Variants in TCF12 observed in about 807,000 individuals in gnomAD.
TCF12 encodes the protein DNA-binding protein HTF4.
Under a neutral mutation model 86.0 loss-of-function variants are expected in TCF12, and 45 were observed. The observed-to-expected ratio is 0.52, with a 90% CI of 0.41 to 0.67. The LOEUF is 0.67. Ranked by LOEUF, TCF12 falls within the 30% of genes least tolerant of loss-of-function variation. The probability of loss-of-function intolerance (pLI) is 0.00; values close to 1 mark genes in which losing one functional copy is unlikely to be tolerated. For missense variants in TCF12, 881 were observed against 859.9 expected, an observed-to-expected ratio of 1.02 and a Z score of -0.31; for synonymous variants, 330 against 299.6, an observed-to-expected ratio of 1.10 and a Z score of -1.05.
intron 20 of TCF12, among the ~76,000 whole-genome samples, chr15:57,283,055 G>T (rs1298303478): frequency 1.3e-5 from 2 of 152,108 alleles, no homozygotes; most frequent in Non-Finnish European, 2.9e-5. Flanking sequence ...CTTGTATTTG[G>T]ATCAATAATG....
At chr15:57,141,694 A>G (rs1248336789) in intron 5 of TCF12, among the ~76,000 whole-genome samples, 1 of 152,204 alleles carries the variant, frequency 6.6e-6, no homozygotes, top group Admixed American at 6.5e-5. Flanking sequence ...TTCACTGGAA[A>G]CAGCTATAAA....
chr15:57,228,417 AT>A (rs1172165216), intron 8 of TCF12, among the ~76,000 whole-genome samples: 25 of 151,436 alleles, frequency 1.7e-4, no homozygotes, highest in African/African-American at 3.4e-4. Flanking sequence ...ATATAGTAGG[AT>A]TTTTTTTTGC....
chr15:57,005,766 C>T (rs528635376), intron 3 of TCF12, among the ~76,000 whole-genome samples: 1 of 152,010 alleles, frequency 6.6e-6, no homozygotes. Flanking sequence ...GACAGGGTCT[C>T]ACTATGCTGC....
chr15:56,944,583 A>G (rs1244892917), intron 3 of TCF12, among the ~76,000 whole-genome samples: 1 of 152,190 alleles, frequency 6.6e-6, no homozygotes, highest in Non-Finnish European at 1.5e-5. Flanking sequence ...CCCTTCTTTA[A>G]GAGTTCTACT....
At chr15:57,113,325 T>C (rs1208144880) in intron 5 of TCF12, among the ~76,000 whole-genome samples, 7 of 152,256 alleles carry the variant, frequency 4.6e-5, no homozygotes, top group Non-Finnish European at 1.0e-4. Context: ...CTTAATGATC[T>C]GTGCAGCTCG....
chr15:57,243,639 T>C, intron 13 of TCF12, 89 bp downstream of exon 13: 2 of 1,198,286 alleles, frequency 1.7e-6, no homozygotes, highest in African/African-American at 1.5e-5. Context: ...TTAATAAAAA[T>C]TTGTGAAAAA....
intron 3 of TCF12, among the ~76,000 whole-genome samples, chr15:56,946,798 C>CCTTT (rs2061018263): frequency 1.8e-5 from 2 of 113,542 alleles, no homozygotes; most frequent in African/African-American, 6.2e-5. Flanking sequence ...TCTAAAGTAC[C>CCTTT]TTTTTTTTTT....
intron 16 of TCF12, among the ~76,000 whole-genome samples, chr15:57,260,735 T>A (rs935232023): frequency 6.6e-6 from 1 of 152,210 alleles, no homozygotes; most frequent in East Asian, 1.9e-4. Context: ...CATATCTATT[T>A]TTATAAAATG....
chr15:56,944,730 C>G (rs1477321095), intron 3 of TCF12, among the ~76,000 whole-genome samples: 3 of 151,960 alleles, frequency 2.0e-5, no homozygotes, highest in Non-Finnish European at 2.9e-5. Context: ...GCAAGTCACA[C>G]TACATTAAAC....
chr15:57,191,476 G>T (rs1362130706), intron 6 of TCF12, among the ~76,000 whole-genome samples: 1 of 152,042 alleles, frequency 6.6e-6, no homozygotes, highest in African/African-American at 2.4e-5. Context: ...AAGAAAAAAG[G>T]AAAGGAAGAA....
At chr15:57,264,917 A>G (rs867633391) in intron 18 of TCF12, among the ~76,000 whole-genome samples, 1 of 151,838 alleles carries the variant, frequency 6.6e-6, no homozygotes, top group Non-Finnish European at 1.5e-5. Context: ...GTTAGTAGAG[A>G]TGGGATTTCG....
At chr15:57,043,859 A>G (rs982768242) in intron 3 of TCF12, among the ~76,000 whole-genome samples, 6 of 152,294 alleles carry the variant, frequency 3.9e-5, no homozygotes, top group Admixed American at 2.0e-4. Flanking sequence ...AAAAAATTCA[A>G]CTTTGCAAAT....
intron 16 of TCF12, among the ~76,000 whole-genome samples, chr15:57,261,662 A>T (rs549474962): frequency 5.7e-4 from 86 of 152,124 alleles, no homozygotes; most frequent in Non-Finnish European, 6.0e-4. Flanking sequence ...TGACTGTTTG[A>T]TGGTGTTTGC....
intron 3 of TCF12, among the ~76,000 whole-genome samples, chr15:57,063,427 T>TG (rs2068611624): frequency 6.6e-6 from 1 of 152,298 alleles, no homozygotes; most frequent in African/African-American, 2.4e-5. Context: ...AGACAAAGTT[T>TG]GGGGGTTCAT....
chr15:57,169,580 A>G (rs2151562000), intron 6 of TCF12, among the ~76,000 whole-genome samples: 1 of 152,322 alleles, frequency 6.6e-6, no homozygotes, highest in East Asian at 1.9e-4. Flanking sequence ...AAAGTTCTCA[A>G]TTCATGTAAT....
intron 5 of TCF12, among the ~76,000 whole-genome samples, chr15:57,098,697 G>C (rs9806199): frequency 2.0e-5 from 3 of 152,016 alleles, no homozygotes; most frequent in Middle Eastern, 6.8e-3. Context: ...TTTTATTGTG[G>C]GTCACATTTA....
rs534599592 is a variant in TCF12, at chr15:57,063,939, G to A, written c.222+116G>A. The stretch of plus-strand genomic sequence containing the variant: ...ATTAATTTCTTTTCATGGAAATGCA[G>A]TAGAATACCTAGTACCTTTTTGTTA... On this transcript the variant is annotated intron_variant, in intron 4 of 20. Coordinates refer to ENST00000333725, the MANE Select transcript of TCF12 (RefSeq NM_207037.2). The A allele has an allele frequency of 7.3e-5, 59 of 807,746 alleles. No homozygotes were observed. In the Admixed American group the frequency reaches 1.1e-3, roughly 15 times the overall value. 50.0% of individuals were successfully genotyped at this position (807,746 alleles called of 1,614,324 possible).
chr15:57,055,262 T>TGTG (rs1161101987), intron 3 of TCF12, among the ~76,000 whole-genome samples: 8 of 151,632 alleles, frequency 5.3e-5, no homozygotes, highest in African/African-American at 1.7e-4. Flanking sequence ...ATTAGCCGAG[T>TGTG]GTGGTGGCGC....
chr15:57,007,116 A>G (rs1173591048), intron 3 of TCF12, among the ~76,000 whole-genome samples: 1 of 152,220 alleles, frequency 6.6e-6, no homozygotes, highest in Non-Finnish European at 1.5e-5. Flanking sequence ...GTATTCTACA[A>G]AGTATAGGTA....
Sources: gnomAD v4.1 joint callset for allele counts (sites outside exome capture counted in the v4.1 genomes callset) on GRCh38, gnomAD v4.1.1 for gene constraint, MANE v1.5 for transcripts, NCBI Gene and HGNC (gene_info 2026-07-23, HGNC 2026-07-21) for gene names.